Variants in BHMT2 observed in about 807,000 individuals in gnomAD.
The protein encoded by BHMT2 is S-methylmethionine--homocysteine S-methyltransferase BHMT2.
BHMT2 carries 28 observed loss-of-function variants against 39.0 expected under a neutral mutation model. That is an observed-to-expected ratio of 0.72 (90% CI 0.53 to 0.98). The LOEUF is 0.98. Among genes scored for constraint, BHMT2 ranks in the 50% least tolerant of loss-of-function variants. The pLI is 0.00. For missense variants in BHMT2, 410 were observed against 455.6 expected (o/e 0.90, Z 0.91); for synonymous variants, 145 against 160.6 (o/e 0.90, Z 0.74).
At chr5:79,088,409 T>C (rs2112707509) in intron 7 of BHMT2, 84 bp from the exon 8 acceptor site, 1 of 856,554 alleles carries the variant, frequency 1.2e-6, no homozygotes, top group Admixed American at 2.1e-5. Flanking sequence ...GTTATATACA[T>C]ATACATACAT....
At chr5:79,082,605 TA>T (rs1391191975) in intron 4 of BHMT2, 2 of 479,720 alleles carry the variant, frequency 4.2e-6, no homozygotes, top group African/African-American at 3.9e-5. Flanking sequence ...TGAAAAACTA[TA>T]TGTTATTGTT....
At chr5:79,088,247 T>C (rs1418091981) in intron 7 of BHMT2, among the ~76,000 whole-genome samples, 1 of 152,102 alleles carries the variant, frequency 6.6e-6, no homozygotes, top group African/African-American at 2.4e-5. Flanking sequence ...ACCTAATGAT[T>C]GTTATTGAAA....
intron 7 of BHMT2, among the ~76,000 whole-genome samples, chr5:79,087,520 C>T (rs143530967): frequency 1.2e-4 from 19 of 152,222 alleles, no homozygotes; most frequent in African/African-American, 4.1e-4. Context: ...TTTACCCTGA[C>T]TCCCAAACCT....
chr5:79,078,792 C>T (rs79523934), intron 2 of BHMT2, among the ~76,000 whole-genome samples: 10,655 of 152,204 alleles, frequency 0.07, 505 homozygotes, highest in Middle Eastern at 0.12. Flanking sequence ...TGTTAAAAGA[C>T]CTTTTTGCTA....
Position 79,080,700 on chromosome 5 carries a change from ATGCTGC to A in BHMT2, c.276_281del (p.Ala93_Ala94del). 1.3e-6 allele frequency: 2 copies of A among 1,592,660 alleles called. No homozygotes were observed. On this transcript the variant is annotated inframe_deletion, in exon 4 of 8. Transcript: ENST00000255192. The stretch of plus-strand genomic sequence containing the variant: ...CTCTAACCTCAGTGGGAAGATGTAA[ATGCTGC>A]TGCCTGTGACCTCGCCAGGGAAGTG...
chr5:79,085,886 A>G (rs1755883380), intron 7 of BHMT2, among the ~76,000 whole-genome samples: 1 of 151,964 alleles, frequency 6.6e-6, no homozygotes, highest in Admixed American at 6.6e-5. Context: ...CCATCTTGCT[A>G]CCATGGTTTC....
At chr5:79,074,617 A>C (rs548273725) in intron 1 of BHMT2, among the ~76,000 whole-genome samples, 11 of 152,364 alleles carry the variant, frequency 7.2e-5, no homozygotes, top group African/African-American at 2.6e-4. Context: ...GTATCCAAGG[A>C]AGCTCGCTCC....
chr5:79,077,399 CT>C, intron 1 of BHMT2, 80 bp from the exon 2 acceptor site: 3 of 1,528,872 alleles, frequency 2.0e-6, no homozygotes, highest in South Asian at 1.3e-5. Context: ...CGTAATACCA[CT>C]TCACCTAAAA....
intron 1 of BHMT2, among the ~76,000 whole-genome samples, chr5:79,070,429 C>G (rs1755541816): frequency 6.6e-6 from 1 of 152,116 alleles, no homozygotes; most frequent in Non-Finnish European, 1.5e-5. Context: ...GCTCCTGGCC[C>G]CTTTCCTGGT....
chr5:79,086,759 G>T (rs1755903085), intron 7 of BHMT2, among the ~76,000 whole-genome samples: 1 of 151,936 alleles, frequency 6.6e-6, no homozygotes, highest in Non-Finnish European at 1.5e-5. Flanking sequence ...GTTTTCTAGG[G>T]ATTTCTGATT....
At chr5:79,086,824 T>C (rs189782277) in intron 7 of BHMT2, among the ~76,000 whole-genome samples, 2 of 152,106 alleles carry the variant, frequency 1.3e-5, no homozygotes, top group South Asian at 2.1e-4. Flanking sequence ...TTCCCTGAGG[T>C]CTTATAATTT....
intron 5 of BHMT2, 39 bp from the exon 6 acceptor site, chr5:79,083,153 A>G (rs1466937896): frequency 6.3e-7 from 1 of 1,598,698 alleles, no homozygotes. Context: ...AAGAATAAAC[A>G]AATAAATAAT....
chr5:79,086,956 G>GTC (rs539902859), intron 7 of BHMT2, among the ~76,000 whole-genome samples: 79 of 146,752 alleles, frequency 5.4e-4, no homozygotes, highest in Non-Finnish European at 9.0e-4. Flanking sequence ...CTCATACTCT[G>GTC]TCTCTCTCTA....
In BHMT2 at chr5:79,072,160, G is replaced by A. The variant is rs377272756; in HGVS notation, c.33+2345G>A. On this transcript the variant is annotated intron_variant, in intron 1 of 7. Coordinates refer to ENST00000255192, the MANE Select transcript of BHMT2 (RefSeq NM_017614.5). ...CATGCACCTATAATCCCAGCTACTT[G>A]CGAGGCTGAGGCAGGAGAATTGCTT... Among the ~76,000 whole-genome samples the A allele has an allele frequency of 1.2e-4, 18 of 152,212 alleles. 1 individual carries two copies. Among genetic ancestry groups the A allele is most frequent in the African/African-American group, 4.3e-4 (18 of 41,540 alleles).
intron 1 of BHMT2, among the ~76,000 whole-genome samples, chr5:79,073,389 T>C (rs80260309): frequency 0.021 from 3,251 of 152,326 alleles, 63 homozygotes; most frequent in Non-Finnish European, 0.031. Context: ...ATTGGTCACA[T>C]TCTGCTGTGA....
chr5:79,085,687 G>C (rs1299556797), intron 7 of BHMT2, among the ~76,000 whole-genome samples: 3 of 151,930 alleles, frequency 2.0e-5, no homozygotes, highest in African/African-American at 7.3e-5. Context: ...ATTTCAAAAT[G>C]AACAAACAAA....
At chr5:79,076,191 G>A (rs576068392) in intron 1 of BHMT2, among the ~76,000 whole-genome samples, 2 of 152,246 alleles carry the variant, frequency 1.3e-5, no homozygotes, top group South Asian at 4.1e-4. Context: ...CTGGAGTCAG[G>A]CCGCTCAGCA....
At chr5:79,070,542 T>C (rs1328650431) in intron 1 of BHMT2, among the ~76,000 whole-genome samples, 1 of 152,084 alleles carries the variant, frequency 6.6e-6, no homozygotes, top group Non-Finnish European at 1.5e-5. Context: ...GGCATGAGCT[T>C]GGACGAAAGA....
chr5:79,077,771 T>C, intron 2 of BHMT2, 159 bp downstream of exon 2: 1 of 839,068 alleles, frequency 1.2e-6, no homozygotes, highest in East Asian at 2.8e-5. Flanking sequence ...GGCGGAAGTA[T>C]ATGGAAGAAA....
Sources: gnomAD v4.1 joint callset for allele counts (sites outside exome capture counted in the v4.1 genomes callset) on GRCh38, gnomAD v4.1.1 for gene constraint, MANE v1.5 for transcripts, NCBI Gene and HGNC (gene_info 2026-07-23, HGNC 2026-07-21) for gene names.